PSTPIP2: variants seen among roughly 807,000 people sequenced by gnomAD.
The protein encoded by PSTPIP2 is proline-serine-threonine phosphatase interacting protein 2.
Under a neutral mutation model 63.3 loss-of-function variants are expected in PSTPIP2, and 33 were observed. That is an observed-to-expected ratio of 0.52 (90% CI 0.40 to 0.70). PSTPIP2 has a LOEUF of 0.70. Among genes scored for constraint, PSTPIP2 ranks in the 30% least tolerant of loss-of-function variants. The probability of loss-of-function intolerance (pLI) is 0.00; values close to 1 mark genes in which losing one functional copy is unlikely to be tolerated. For missense variants in PSTPIP2, 312 were observed against 400.7 expected (o/e 0.78, Z 1.89); for synonymous variants, 125 against 132.7 (o/e 0.94, Z 0.40).
In PSTPIP2 at chr18:46,017,255, A is replaced by G. The variant is rs143645476; in HGVS notation, c.213-1318T>C. On this transcript the variant is annotated intron_variant, in intron 3 of 14. Transcript: ENST00000409746. ...GTCTCTGGCTTCATCATTGCTATTGAAAAAATCAGCTGTTGCTCTAATAAA... is the reference window on the plus strand; with the variant it reads ...GTCTCTGGCTTCATCATTGCTATTGGAAAAATCAGCTGTTGCTCTAATAAA... 5.3e-3 allele frequency among the ~76,000 whole-genome samples: 814 copies of G among 152,240 alleles called. 9 individuals are homozygous for G. The highest frequency in any genetic ancestry group is 0.014 in the Middle Eastern group (4 of 294).
intron 5 of PSTPIP2, 73 bp downstream of exon 5, chr18:46,011,108 G>A (rs2051790798): frequency 8.1e-7 from 1 of 1,231,064 alleles, no homozygotes; most frequent in Non-Finnish European, 1.2e-6. Flanking sequence ...GAGCTGAGGA[G>A]TATAATGAAC....
chr18:46,000,331 T>C (rs2051649953), intron 6 of PSTPIP2, among the ~76,000 whole-genome samples: 3 of 152,186 alleles, frequency 2.0e-5, no homozygotes, highest in African/African-American at 7.2e-5. Flanking sequence ...AGGTTACCAA[T>C]GCCATCATTT....
chr18:46,028,949 G>C (rs1258697449), intron 2 of PSTPIP2: 1 of 1,231,130 alleles, frequency 8.1e-7, no homozygotes, highest in African/African-American at 1.5e-5. Context: ...AATGCTGAAC[G>C]TCCTTCTGCT....
intron 1 of PSTPIP2, among the ~76,000 whole-genome samples, chr18:46,061,559 G>A (rs1908993943): frequency 2.0e-5 from 3 of 152,166 alleles, no homozygotes; most frequent in Admixed American, 6.5e-5. Flanking sequence ...CACAGTAAAG[G>A]TCAACCACTC....
Position 45,990,740 on chromosome 18 carries a change from T to C in PSTPIP2, c.937A>G (p.Ile313Val), listed in dbSNP as rs747077699. The C allele has an allele frequency of 3.1e-6, 5 of 1,606,154 alleles. No homozygotes were observed. In the African/African-American group the frequency reaches 5.4e-5, roughly 17 times the overall value. Reference sequence around the variant, plus strand: ...GGCATACCTGGTGAGCTTTTAGGAATTGGGAGGGGTCCTCTCCTGTAAGAA... The same window carrying C: ...GGCATACCTGGTGAGCTTTTAGGAACTGGGAGGGGTCCTCTCCTGTAAGAA... ...PNLARRGPLP[I>V]PKSSPDDPNY... The change falls in exon 13 of 15, where the codon ATT becomes GTT. Residue 313 changes from isoleucine (I) to valine (V), a missense_variant. Coordinates refer to ENST00000409746, the MANE Select transcript of PSTPIP2 (RefSeq NM_024430.4).
chr18:46,027,750 GA>G (rs933838966), intron 2 of PSTPIP2, among the ~76,000 whole-genome samples: 12 of 151,484 alleles, frequency 7.9e-5, no homozygotes, highest in East Asian at 7.7e-4. Flanking sequence ...TTTCACAGAA[GA>G]AAAAAAACTG....
intron 4 of PSTPIP2, among the ~76,000 whole-genome samples, chr18:46,015,298 G>C (rs1192524836): frequency 6.6e-6 from 1 of 152,156 alleles, no homozygotes; most frequent in African/African-American, 2.4e-5. Flanking sequence ...TGATCTGGGA[G>C]AAATGGCAAG....
chr18:46,069,798 TC>T (rs890191977), intron 1 of PSTPIP2, among the ~76,000 whole-genome samples: 2 of 152,220 alleles, frequency 1.3e-5, no homozygotes, highest in African/African-American at 4.8e-5. Context: ...TTGTATCCCT[TC>T]ATCTCTTCCT....
At chr18:46,026,203 A>G (rs1303714294) in intron 2 of PSTPIP2, among the ~76,000 whole-genome samples, 1 of 152,236 alleles carries the variant, frequency 6.6e-6, no homozygotes, top group Non-Finnish European at 1.5e-5. Flanking sequence ...AGGAGCTCCC[A>G]TTTCCAGGAA....
rs1468391213 is a variant in PSTPIP2 at position 46,072,199 on chromosome 18, G to C, written c.-11C>G. The C allele has an allele frequency of 2.6e-6, 4 of 1,535,248 alleles. No homozygotes were observed. Among genetic ancestry groups the C allele is most frequent in the Non-Finnish European group, 3.5e-6 (4 of 1,140,964 alleles). ...CAGTGAGCGCGTCATCGCAGCGCGA[G>C]TGGGGGCGCGGAGGAGAGCCGGGCC... is the stretch of plus-strand genomic sequence containing the variant. On this transcript the variant is annotated 5_prime_UTR_variant, in exon 1 of 15. Coordinates refer to ENST00000409746, the MANE Select transcript of PSTPIP2 (RefSeq NM_024430.4).
At chr18:46,014,582 G>A (rs1277947614) in intron 4 of PSTPIP2, among the ~76,000 whole-genome samples, 1 of 152,072 alleles carries the variant, frequency 6.6e-6, no homozygotes, top group Non-Finnish European at 1.5e-5. Context: ...ACGTAGTGGT[G>A]CATGCCTGTG....
At position 46,017,008 on chromosome 18, in the gene PSTPIP2, C is replaced by T. The variant is rs116890129; in HGVS notation, c.213-1071G>A. On this transcript the variant is annotated intron_variant, in intron 3 of 14. Transcript: ENST00000409746. ...GTGCCATATTCTTTGCTCACTATTCCGTCTTGCACCTCAGACCTTTTGTCC... is the reference window on the plus strand; with the variant it reads ...GTGCCATATTCTTTGCTCACTATTCTGTCTTGCACCTCAGACCTTTTGTCC... Among the ~76,000 whole-genome samples the T allele has an allele frequency of 5.7e-3, 868 of 152,208 alleles. 1 individual carries two copies. The highest frequency in any genetic ancestry group is 9.4e-3 in the Non-Finnish European group (642 of 68,000).
intron 8 of PSTPIP2, 135 bp downstream of exon 8, chr18:45,998,655 TCAGA>T: frequency 1.2e-6 from 1 of 840,988 alleles, no homozygotes; most frequent in Non-Finnish European, 1.8e-6. Context: ...CTTTTTCCCT[TCAGA>T]TATCTCACTA....
In PSTPIP2 at chr18:46,042,142, C is replaced by T. The variant is rs763099318; in HGVS notation, c.34-2095G>A. On this transcript the variant is annotated intron_variant, in intron 1 of 14. Coordinates refer to ENST00000409746, the MANE Select transcript of PSTPIP2 (RefSeq NM_024430.4). Reference sequence around the variant, plus strand: ...AAATCATCAAAACTTTTACAAGTTACGAATCTAAGTTAGAAATGTTTAATT... The same window carrying T: ...AAATCATCAAAACTTTTACAAGTTATGAATCTAAGTTAGAAATGTTTAATT... Among the ~76,000 whole-genome samples, 5 of 152,126 alleles carry T rather than the reference C, an allele frequency of 3.3e-5. No homozygotes were observed. In the East Asian group the frequency reaches 5.8e-4, roughly 18 times the overall value.
intron 2 of PSTPIP2, among the ~76,000 whole-genome samples, chr18:46,031,052 T>C (rs1319125556): frequency 6.6e-6 from 1 of 152,272 alleles, no homozygotes; most frequent in African/African-American, 2.4e-5. Flanking sequence ...TGGTTCATAG[T>C]GTGCCCTTCA....
chr18:46,049,575 A>G (rs1161756035), intron 1 of PSTPIP2, among the ~76,000 whole-genome samples: 1 of 152,212 alleles, frequency 6.6e-6, no homozygotes, highest in East Asian at 1.9e-4. Flanking sequence ...AGCTCTAAAA[A>G]TCAATCCCAT....
intron 1 of PSTPIP2, among the ~76,000 whole-genome samples, chr18:46,062,392 G>T (rs2144133409): frequency 6.6e-6 from 1 of 152,148 alleles, no homozygotes; most frequent in Non-Finnish European, 1.5e-5. Flanking sequence ...TGTAATCCCA[G>T]CACTTTAGGA....
At chr18:45,999,945 C>T (rs1334702631) in intron 6 of PSTPIP2, among the ~76,000 whole-genome samples, 1 of 152,098 alleles carries the variant, frequency 6.6e-6, no homozygotes, top group Non-Finnish European at 1.5e-5. Context: ...CAAGACAAGC[C>T]TGGGCAAAAT....
chr18:46,019,869 A>T (rs1384251789), intron 3 of PSTPIP2, among the ~76,000 whole-genome samples: 2 of 152,210 alleles, frequency 1.3e-5, no homozygotes, highest in African/African-American at 4.8e-5. Context: ...TGAAATTAAT[A>T]AATCCACTCT....
Sources: allele counts gnomAD v4.1 joint callset (sites outside exome capture counted in the v4.1 genomes callset), GRCh38; gene constraint gnomAD v4.1.1; transcripts MANE v1.5; gene names NCBI Gene and HGNC (gene_info 2026-07-23, HGNC 2026-07-21).